The following CCSER1 variants were observed in gnomAD, a reference collection of about 807,000 sequenced individuals.
The protein encoded by CCSER1 is serine-rich coiled-coil domain-containing protein 1.
Under a neutral mutation model 82.0 loss-of-function variants are expected in CCSER1, and 41 were observed. The observed-to-expected ratio is 0.50, with a 90% CI of 0.39 to 0.65. The LOEUF is 0.65. Ranked by LOEUF, CCSER1 falls within the 30% of genes least tolerant of loss-of-function variation. The pLI is 0.00. For synonymous variants in CCSER1, 414 were observed against 383.9 expected (o/e 1.08, Z -0.92); for missense variants, 1,119 against 1,064.2 (o/e 1.05, Z -0.72).
intron 9 of CCSER1, among the ~76,000 whole-genome samples, chr4:91,058,023 A>G (rs1169308252): frequency 6.6e-6 from 1 of 152,024 alleles, no homozygotes; most frequent in East Asian, 1.9e-4. Flanking sequence ...CCTTTTATTT[A>G]ACTTTTATTT....
At chr4:91,171,044 A>C (rs1732694599) in intron 10 of CCSER1, among the ~76,000 whole-genome samples, 3 of 152,232 alleles carry the variant, frequency 2.0e-5, no homozygotes, top group Admixed American at 1.3e-4. Context: ...TAGTCTTTGC[A>C]AGAGTGGATA....
chr4:90,220,968 A>G (rs1194331972), intron 1 of CCSER1, among the ~76,000 whole-genome samples: 2 of 152,200 alleles, frequency 1.3e-5, no homozygotes, highest in East Asian at 3.8e-4. Flanking sequence ...TTAATCATGA[A>G]ATAATTTGGC....
intron 6 of CCSER1, among the ~76,000 whole-genome samples, chr4:90,631,822 A>C (rs1006151034): frequency 6.6e-6 from 1 of 152,290 alleles, no homozygotes; most frequent in East Asian, 1.9e-4. Context: ...AGTACTTTAA[A>C]CCACTTGTTT....
At position 90,538,877 on chromosome 4, in the gene CCSER1, A is replaced by C. The variant is rs187168542; in HGVS notation, c.1724+70523A>C. ...AATCATTCAAGTATAAAATATTTTA[A>C]ATTATTTTTCCAGTTTTTGCATTAT... On this transcript the variant is annotated intron_variant, in intron 5 of 10. Transcript: ENST00000509176. Among the ~76,000 whole-genome samples the C allele has an allele frequency of 2.5e-4, 38 of 152,148 alleles. No homozygotes were observed. In the East Asian group the frequency reaches 7.3e-3, roughly 29 times the overall value.
At chr4:91,412,026 C>A (rs1039979653) in intron 10 of CCSER1, among the ~76,000 whole-genome samples, 4 of 152,024 alleles carry the variant, frequency 2.6e-5, no homozygotes, top group African/African-American at 9.7e-5. Context: ...CTCTTCACAG[C>A]AACAATAATT....
Position 91,291,462 on chromosome 4 carries a change from C to T in CCSER1, c.2217+205468C>T, listed in dbSNP as rs558255835. Among the ~76,000 whole-genome samples, 3 of 151,984 alleles carry T rather than the reference C, an allele frequency of 2.0e-5. No homozygotes were observed. In the South Asian group the frequency reaches 6.2e-4, roughly 32 times the overall value. On this transcript the variant is annotated intron_variant, in intron 10 of 10. Transcript: ENST00000509176. ...TTAATTGGCTCATGGTTGTACAAAC[C>T]GTACAGGAAGCATGATGCTAGCATC... is the stretch of plus-strand genomic sequence containing the variant.
chr4:90,289,791 C>A (rs1730581461), intron 1 of CCSER1, among the ~76,000 whole-genome samples: 1 of 151,798 alleles, frequency 6.6e-6, no homozygotes, highest in Admixed American at 6.6e-5. Context: ...TTATCCTTTG[C>A]TTCCCTTTAT....
chr4:90,690,641 C>T (rs779075848), intron 6 of CCSER1, among the ~76,000 whole-genome samples: 45 of 152,060 alleles, frequency 3.0e-4, no homozygotes, highest in Admixed American at 6.6e-4. Context: ...TTCTCTTACC[C>T]GGTCAATGAG....
chr4:90,252,681 G>T (rs190062000), intron 1 of CCSER1, among the ~76,000 whole-genome samples: 1 of 151,514 alleles, frequency 6.6e-6, no homozygotes, highest in Non-Finnish European at 1.5e-5. Context: ...AATTATTATT[G>T]ATTATAGTGC....
intron 10 of CCSER1, among the ~76,000 whole-genome samples, chr4:91,339,455 G>A (rs1458063253): frequency 6.6e-6 from 1 of 152,070 alleles, no homozygotes; most frequent in Non-Finnish European, 1.5e-5. Flanking sequence ...AATATGGGGG[G>A]GTAGGGCTGA....
rs1267314943 is a variant in CCSER1 at position 90,720,878 on chromosome 4, CTTA to C, written c.1933-3033_1933-3031del. ...TATTTTCTGATTATTAATAGTGCCT[CTTA>C]TTCTTCAATTTCTCTGCTTTTTTAG... On this transcript the variant is annotated intron_variant, in intron 6 of 10. Transcript: ENST00000509176. Among the ~76,000 whole-genome samples the C allele has an allele frequency of 1.6e-4, 25 of 152,046 alleles. No homozygotes were observed. The South Asian group carries it at 3.1e-3, about 19-fold the overall frequency.
rs542227665 is a variant in CCSER1 at position 90,775,029 on chromosome 4, G to A, written c.2011-40733G>A. Among the ~76,000 whole-genome samples, 3 of 152,200 alleles carry A rather than the reference G, an allele frequency of 2.0e-5. No homozygotes were observed. In the East Asian group the frequency reaches 5.8e-4, roughly 29 times the overall value. On this transcript the variant is annotated intron_variant, in intron 7 of 10. Coordinates refer to ENST00000509176, the MANE Select transcript of CCSER1 (RefSeq NM_001145065.2). ...ATGTGTAACGTCTAAACTCTGCTCAGATTATTTATTGACAAGATCCTTTTC... is the reference window on the plus strand; with the variant it reads ...ATGTGTAACGTCTAAACTCTGCTCAAATTATTTATTGACAAGATCCTTTTC...
chr4:90,489,187 A>T lies in CCSER1; in HGVS notation c.1724+20833A>T, dbSNP rs145276580. On this transcript the variant is annotated intron_variant, in intron 5 of 10. Transcript: ENST00000509176. ...GAAGCATACCCTTGATTAATGTTTC[A>T]GTATATCCTACAGGGTCATTAACAC... Among the ~76,000 whole-genome samples the T allele has an allele frequency of 3.6e-3, 550 of 152,306 alleles. 3 individuals carry two copies. Among genetic ancestry groups the T allele is most frequent in the African/African-American group, 0.012 (517 of 41,568 alleles).
chr4:91,345,034 T>A lies in CCSER1; in HGVS notation c.2218-253538T>A, dbSNP rs1051745906. On this transcript the variant is annotated intron_variant, in intron 10 of 10. Transcript: ENST00000509176. The stretch of plus-strand genomic sequence containing the variant: ...AAATTAACAGAAGCTGTTAAAATAT[T>A]GTAAGTGCTATGTTCCTTGAAGAAG... Among the ~76,000 whole-genome samples, 7 of 152,318 alleles carry A rather than the reference T, an allele frequency of 4.6e-5. No individual in the cohort carries two copies. In the South Asian group the frequency reaches 1.0e-3, roughly 23 times the overall value.
intron 10 of CCSER1, among the ~76,000 whole-genome samples, chr4:91,374,525 G>A (rs937781748): frequency 7.2e-5 from 11 of 152,144 alleles, no homozygotes; most frequent in Non-Finnish European, 2.9e-5. Flanking sequence ...GAGACCTAGT[G>A]CACAGCAAAC....
chr4:91,048,771 C>T (rs1742741380), intron 9 of CCSER1, among the ~76,000 whole-genome samples: 1 of 152,082 alleles, frequency 6.6e-6, no homozygotes, highest in South Asian at 2.1e-4. Flanking sequence ...GTGAAATAAG[C>T]TTACATTGGT....
chr4:90,933,640 A>C lies in CCSER1; in HGVS notation c.2172+10193A>C, dbSNP rs534600919. Among the ~76,000 whole-genome samples, 5 of 152,176 alleles carry C rather than the reference A, an allele frequency of 3.3e-5. No homozygotes were observed. In the South Asian group the frequency reaches 1.0e-3, roughly 32 times the overall value. On this transcript the variant is annotated intron_variant, in intron 9 of 10. Coordinates refer to ENST00000509176, the MANE Select transcript of CCSER1 (RefSeq NM_001145065.2). ...AAAAGAATTTATGTAATTCATAAAA[A>C]TGTAAAAAAATACTTGGTGTGAGTG...
chr4:90,271,109 A>G (rs1413801039), intron 1 of CCSER1, among the ~76,000 whole-genome samples: 3 of 152,098 alleles, frequency 2.0e-5, no homozygotes, highest in Non-Finnish European at 4.4e-5. Context: ...CGAAATACCT[A>G]GACATTTCTC....
chr4:91,148,746 A>G (rs1441276539), intron 10 of CCSER1, among the ~76,000 whole-genome samples: 1 of 152,046 alleles, frequency 6.6e-6, no homozygotes, highest in Non-Finnish European at 1.5e-5. Context: ...TTGGTTTTCT[A>G]TTCTTACGAT....
Sources: gnomAD v4.1 joint callset for allele counts (sites outside exome capture counted in the v4.1 genomes callset) on GRCh38, gnomAD v4.1.1 for gene constraint, MANE v1.5 for transcripts, NCBI Gene and HGNC (gene_info 2026-07-23, HGNC 2026-07-21) for gene names.